The following CALN1 variants were observed in gnomAD, a reference collection of about 807,000 sequenced individuals.
The protein encoded by CALN1 is calcium-binding protein 8.
In CALN1, 17 loss-of-function variants were observed where a neutral mutation model predicts 30.6. The ratio of observed to expected loss-of-function variants is 0.56; its 90% CI spans 0.38 to 0.83. CALN1 has a LOEUF of 0.83. CALN1 is among the 40% of genes least tolerant of loss of function. The pLI is 0.00. For synonymous variants in CALN1, 156 were observed against 131.4 expected, an observed-to-expected ratio of 1.19 and a Z score of -1.28; for missense variants, 291 against 354.9, an observed-to-expected ratio of 0.82 and a Z score of 1.45.
intron 3 of CALN1, among the ~76,000 whole-genome samples, chr7:72,273,203 G>A (rs944191631): frequency 6.6e-6 from 1 of 152,116 alleles, no homozygotes; most frequent in Non-Finnish European, 1.5e-5. Context: ...GGAGGCCAAG[G>A]TGGGCAGATC....
chr7:72,140,462 G>T (rs1367059250), intron 3 of CALN1, among the ~76,000 whole-genome samples: 1 of 152,038 alleles, frequency 6.6e-6, no homozygotes, highest in Non-Finnish European at 1.5e-5. Context: ...GACCTGCCCA[G>T]ACAATTTTAG....
chr7:71,936,473 G>A (rs1235446194), intron 5 of CALN1, among the ~76,000 whole-genome samples: 12 of 151,730 alleles, frequency 7.9e-5, no homozygotes, highest in Admixed American at 7.9e-4. Context: ...CAAGCTGGAA[G>A]GGCCACTGAT....
rs76509047 is a variant in CALN1 at position 72,152,722 on chromosome 7, G to A, written c.245-46428C>T. On this transcript the variant is annotated intron_variant, in intron 3 of 6. Coordinates refer to ENST00000395275, the MANE Select transcript of CALN1 (RefSeq NM_031468.4). The stretch of plus-strand genomic sequence containing the variant: ...GCTACCAGCCGAGAGAGAGGCACCA[G>A]AGAGGATTAGAGTTTTTCCTAGTTT... Among the ~76,000 whole-genome samples the A allele has an allele frequency of 6.9e-3, 1,053 of 152,258 alleles. 14 individuals carry two copies. The highest frequency in any genetic ancestry group is 0.024 in the African/African-American group (1,000 of 41,564).
intron 1 of CALN1, among the ~76,000 whole-genome samples, chr7:72,428,997 T>C (rs1807886000): frequency 1.3e-5 from 2 of 152,056 alleles, no homozygotes; most frequent in South Asian, 4.2e-4. Flanking sequence ...GAGAACCAAA[T>C]AGACATTTCA....
intron 4 of CALN1, among the ~76,000 whole-genome samples, chr7:72,029,770 T>G (rs1404864605): frequency 6.6e-6 from 1 of 152,242 alleles, no homozygotes; most frequent in Non-Finnish European, 1.5e-5. Flanking sequence ...CATGTACCAC[T>G]CCCATTACCT....
At chr7:72,146,963 T>C (rs1056441448) in intron 3 of CALN1, among the ~76,000 whole-genome samples, 25 of 152,252 alleles carry the variant, frequency 1.6e-4, no homozygotes, top group African/African-American at 4.6e-4. Flanking sequence ...ATACAAAAAT[T>C]AATTGAAGAT....
chr7:72,283,539 AAAGAT>A (rs1385630764), intron 2 of CALN1, among the ~76,000 whole-genome samples: 2 of 152,230 alleles, frequency 1.3e-5, no homozygotes, highest in African/African-American at 4.8e-5. Context: ...TTGACTCTAA[AAAGAT>A]AAGATATGGA....
At chr7:72,329,038 T>C (rs1018760423) in intron 2 of CALN1, among the ~76,000 whole-genome samples, 3 of 152,252 alleles carry the variant, frequency 2.0e-5, no homozygotes, top group Non-Finnish European at 2.9e-5. Context: ...CGATTGTAAA[T>C]GTGTGTTCAT....
At chr7:71,857,694 T>C (rs993168329) in intron 5 of CALN1, among the ~76,000 whole-genome samples, 6 of 152,242 alleles carry the variant, frequency 3.9e-5, no homozygotes, top group African/African-American at 1.2e-4. Flanking sequence ...GCAAGGGCTC[T>C]GCGATCCTTC....
chr7:72,406,381 C>T lies in CALN1; in HGVS notation c.-73-2939G>A, dbSNP rs1002746335. Among the ~76,000 whole-genome samples, 8 of 152,134 alleles carry T rather than the reference C, an allele frequency of 5.3e-5. No homozygotes were observed. The South Asian group carries it at 1.7e-3, about 32-fold the overall frequency. ...CTCACAGCCTTATGCATCTTGGGAC[C>T]CAAGGTGCATTTCCCAATGAGCTTC... On this transcript the variant is annotated intron_variant, in intron 1 of 6. Transcript: ENST00000395275.
At chr7:71,829,172 A>G (rs1472399493) in intron 5 of CALN1, among the ~76,000 whole-genome samples, 5 of 152,316 alleles carry the variant, frequency 3.3e-5, no homozygotes, top group South Asian at 2.1e-4. Context: ...TTGGCAAAAT[A>G]AACTTTCTAA....
At chr7:72,015,461 C>T (rs1188059775) in intron 5 of CALN1, among the ~76,000 whole-genome samples, 3 of 148,292 alleles carry the variant, frequency 2.0e-5, no homozygotes, top group Non-Finnish European at 4.4e-5. Flanking sequence ...CTTTTTGAGA[C>T]AGGCTCTCAC....
chr7:72,247,376 T>C (rs959738899), intron 3 of CALN1, among the ~76,000 whole-genome samples: 6 of 150,844 alleles, frequency 4.0e-5, no homozygotes, highest in African/African-American at 1.5e-4. Context: ...CCCTCCAGAA[T>C]AGCTGGGACT....
chr7:72,276,865 A>G (rs1038449675), intron 3 of CALN1, among the ~76,000 whole-genome samples: 6 of 152,198 alleles, frequency 3.9e-5, no homozygotes, highest in African/African-American at 1.4e-4. Context: ...AACACAAAGC[A>G]GACTAAGACA....
upstream of CALN1, among the ~76,000 whole-genome samples, chr7:72,449,647 A>T (rs570178855): frequency 2.8e-4 from 43 of 152,158 alleles, no homozygotes; most frequent in East Asian, 8.1e-3. Flanking sequence ...CCAAGGTGGG[A>T]GGATCACGAG....
intron 3 of CALN1, among the ~76,000 whole-genome samples, chr7:72,166,338 A>G (rs1788521764): frequency 6.6e-6 from 1 of 152,134 alleles, no homozygotes; most frequent in Non-Finnish European, 1.5e-5. Context: ...AGTATCTGGG[A>G]CTACAAGTAT....
At chr7:72,468,864 G>A in the CALN1 span, among the ~76,000 whole-genome samples, 3 of 152,222 alleles carry the variant, frequency 2.0e-5, no homozygotes, top group South Asian at 4.2e-4. Flanking sequence ...CTTCTTTGGG[G>A]AAATGCCTGT....
intron 3 of CALN1, among the ~76,000 whole-genome samples, chr7:72,275,529 CTAAA>C (rs1251606436): frequency 1.3e-5 from 2 of 152,150 alleles, no homozygotes; most frequent in East Asian, 3.9e-4. Flanking sequence ...TTGGCAAAAA[CTAAA>C]TAAATAAGTA....
At position 72,273,519 on chromosome 7, in the gene CALN1, TTC is replaced by T. The variant is rs1184282742; in HGVS notation, c.244+5165_244+5166del. On this transcript the variant is annotated intron_variant, in intron 3 of 6. Transcript: ENST00000395275. Reference sequence around the variant, plus strand: ...CAAGATTCTTTTTTTTTTTTTTTTTTTCTTCCCCCTAGAGACAGGGTCTTTCT... The same window carrying T: ...CAAGATTCTTTTTTTTTTTTTTTTTTTTCCCCCTAGAGACAGGGTCTTTCT... Among the ~76,000 whole-genome samples the T allele has an allele frequency of 2.0e-3, 189 of 95,004 alleles. 1 individual carries two copies. In the East Asian group the frequency reaches 0.028, roughly 14 times the overall value. 62.3% of individuals were successfully genotyped at this position (95,004 alleles called of 152,430 possible).
Sources: gnomAD v4.1 joint callset for allele counts (sites outside exome capture counted in the v4.1 genomes callset) on GRCh38, gnomAD v4.1.1 for gene constraint, MANE v1.5 for transcripts, NCBI Gene and HGNC (gene_info 2026-07-23, HGNC 2026-07-21) for gene names.